The following NCAM2 variants were observed in gnomAD, a reference collection of about 807,000 sequenced individuals.
NCAM2 encodes the protein neural cell adhesion molecule 2.
NCAM2 carries 30 observed loss-of-function variants against 98.1 expected under a neutral mutation model. That is an observed-to-expected ratio of 0.31 (90% CI 0.23 to 0.41). The LOEUF is 0.41. NCAM2 is among the 10% of genes least tolerant of loss of function. NCAM2 has a pLI of 1.00. For synonymous variants in NCAM2, 368 were observed against 342.4 expected, an observed-to-expected ratio of 1.07 and a Z score of -0.83; for missense variants, 867 against 1,005.8, an observed-to-expected ratio of 0.86 and a Z score of 1.87.
chr21:21,461,083 A>C (rs1055009725), intron 12 of NCAM2, among the ~76,000 whole-genome samples: 3 of 151,922 alleles, frequency 2.0e-5, no homozygotes, highest in African/African-American at 7.2e-5. Context: ...ATAAAAATCT[A>C]CGCATTTAGA....
intron 12 of NCAM2, among the ~76,000 whole-genome samples, chr21:21,452,953 T>A (rs1188720825): frequency 1.7e-5 from 1 of 60,008 alleles, no homozygotes; most frequent in African/African-American, 7.2e-5. Flanking sequence ...ATTTATACTA[T>A]ATATTATATA....
chr21:21,473,307 T>TAC (rs1387029545), intron 14 of NCAM2, among the ~76,000 whole-genome samples: 1 of 146,792 alleles, frequency 6.8e-6, no homozygotes. Context: ...TCTGTATATA[T>TAC]ATATAAAAAT....
In NCAM2 at chr21:21,053,752, T is replaced by G. The variant is rs571477494; in HGVS notation, c.55+55134T>G. On this transcript the variant is annotated intron_variant, in intron 1 of 17. Transcript: ENST00000400546. The stretch of plus-strand genomic sequence containing the variant: ...TCATTTTGCGTTTTGTTATGGTAAA[T>G]TCATCTTTTATCCATCTTAATTCCC... Among the ~76,000 whole-genome samples the G allele has an allele frequency of 4.2e-4, 64 of 151,676 alleles. No homozygotes were observed. The South Asian group carries it at 9.1e-3, about 22-fold the overall frequency.
intron 7 of NCAM2, among the ~76,000 whole-genome samples, chr21:21,337,692 T>C (rs1260315744): frequency 2.0e-5 from 3 of 151,982 alleles, no homozygotes; most frequent in African/African-American, 7.2e-5. Context: ...TATTTTAATA[T>C]TAAGATAATT....
intron 1 of NCAM2, among the ~76,000 whole-genome samples, chr21:21,066,423 C>G (rs1024050193): frequency 2.0e-5 from 3 of 152,150 alleles, no homozygotes; most frequent in Middle Eastern, 3.4e-3. Context: ...CATATACACA[C>G]ACACACACAG....
At chr21:21,312,716 A>G (rs1323516268) in intron 5 of NCAM2, among the ~76,000 whole-genome samples, 6 of 151,850 alleles carry the variant, frequency 4.0e-5, no homozygotes, top group Non-Finnish European at 7.4e-5. Context: ...AATTATCAGC[A>G]TAATGCTGTG....
At chr21:21,504,279 CT>C (rs1488823220) in intron 15 of NCAM2, among the ~76,000 whole-genome samples, 2 of 151,814 alleles carry the variant, frequency 1.3e-5, no homozygotes, top group East Asian at 3.8e-4. Flanking sequence ...TCTCAGTTTT[CT>C]TTTATGTAAA....
intron 16 of NCAM2, among the ~76,000 whole-genome samples, chr21:21,524,846 T>C (rs1164425942): frequency 6.6e-6 from 1 of 151,944 alleles, no homozygotes; most frequent in Non-Finnish European, 1.5e-5. Flanking sequence ...ATACTACAAA[T>C]AAATAAAAGA....
At chr21:21,026,850 T>C (rs2064557956) in intron 1 of NCAM2, among the ~76,000 whole-genome samples, 2 of 148,408 alleles carry the variant, frequency 1.3e-5, no homozygotes, top group Admixed American at 1.3e-4. Flanking sequence ...TCTTTTCTTC[T>C]TCTTCTTTTT....
intron 1 of NCAM2, among the ~76,000 whole-genome samples, chr21:21,197,652 T>C (rs1433960859): frequency 1.3e-5 from 2 of 152,220 alleles, no homozygotes; most frequent in Admixed American, 1.3e-4. Flanking sequence ...CTGTCTAAAA[T>C]AGGACTTTGC....
chr21:21,053,932 G>T (rs766204812), intron 1 of NCAM2, among the ~76,000 whole-genome samples: 2 of 81,238 alleles, frequency 2.5e-5, no homozygotes, highest in African/African-American at 3.8e-5. Context: ...ATAGGTTTAG[G>T]ATTAAGCTAT....
At chr21:21,515,668 A>C (rs1039280601) in intron 16 of NCAM2, among the ~76,000 whole-genome samples, 2 of 152,174 alleles carry the variant, frequency 1.3e-5, no homozygotes, top group Admixed American at 1.3e-4. Context: ...TTAATTTACT[A>C]CCTGTAATAC....
chr21:21,262,918 A>G (rs1045563777), intron 1 of NCAM2, among the ~76,000 whole-genome samples: 1 of 152,102 alleles, frequency 6.6e-6, no homozygotes, highest in Non-Finnish European at 1.5e-5. Flanking sequence ...ATCAGCTCTC[A>G]TGAAACTTAT....
intron 1 of NCAM2, among the ~76,000 whole-genome samples, chr21:21,233,424 AAT>A (rs1004628627): frequency 4.6e-5 from 7 of 151,648 alleles, no homozygotes; most frequent in Admixed American, 2.0e-4. Flanking sequence ...AATAGTCAAA[AAT>A]ATATGTTTCT....
chr21:21,296,495 G>A (rs2073484419), intron 5 of NCAM2, among the ~76,000 whole-genome samples: 1 of 151,800 alleles, frequency 6.6e-6, no homozygotes, highest in African/African-American at 2.4e-5. Flanking sequence ...ACAATGGTGT[G>A]TTGGTTGGTT....
chr21:21,045,722 T>C (rs1467704134), intron 1 of NCAM2, among the ~76,000 whole-genome samples: 1 of 152,232 alleles, frequency 6.6e-6, no homozygotes, highest in Non-Finnish European at 1.5e-5. Context: ...TACCCTGGCA[T>C]TGAATATTAA....
chr21:21,089,482 C>T (rs930478178), intron 1 of NCAM2, among the ~76,000 whole-genome samples: 2 of 152,134 alleles, frequency 1.3e-5, no homozygotes, highest in African/African-American at 4.8e-5. Context: ...CCTGTTAGTT[C>T]CCTGAGCTCT....
At chr21:21,280,469 T>C (rs2072888046) in intron 1 of NCAM2, 109 bp from the exon 2 acceptor site, 2 of 668,788 alleles carry the variant, frequency 3.0e-6, no homozygotes, top group Non-Finnish European at 2.5e-6. Flanking sequence ...TAATAAAAAA[T>C]TGGGGGGAAA....
At chr21:21,050,429 A>G (rs2065084651) in intron 1 of NCAM2, among the ~76,000 whole-genome samples, 1 of 152,188 alleles carries the variant, frequency 6.6e-6, no homozygotes, top group African/African-American at 2.4e-5. Flanking sequence ...ATTTTGGTCA[A>G]AGTAAAGAAG....
Sources: allele counts gnomAD v4.1 joint callset (sites outside exome capture counted in the v4.1 genomes callset), GRCh38; gene constraint gnomAD v4.1.1; transcripts MANE v1.5; gene names NCBI Gene and HGNC (gene_info 2026-07-23, HGNC 2026-07-21).